The following ANO1 variants were observed in gnomAD, a reference collection of about 807,000 sequenced individuals.
ANO1 encodes anoctamin 1.
In ANO1, 59 loss-of-function variants were observed where a neutral mutation model predicts 124.0. That is an observed-to-expected ratio of 0.48 (90% CI 0.39 to 0.59). The LOEUF (loss-of-function observed/expected upper bound fraction) is 0.59, where lower values mean the gene tolerates loss of function less well. Among genes scored for constraint, ANO1 ranks in the 20% least tolerant of loss-of-function variants. The probability of loss-of-function intolerance (pLI) is 0.00; values close to 1 mark genes in which losing one functional copy is unlikely to be tolerated. For synonymous variants in ANO1, 529 were observed against 532.0 expected (o/e 0.99, Z 0.08); for missense variants, 1,059 against 1,328.0 (o/e 0.80, Z 3.15).
chr11:70,136,724 G>T (rs2046969312), intron 11 of ANO1, among the ~76,000 whole-genome samples: 1 of 147,958 alleles, frequency 6.8e-6, no homozygotes, highest in Admixed American at 7.1e-5. Flanking sequence ...CGAGGGTGTG[G>T]GCAGAGCAGT....
At position 70,007,559 on chromosome 11, in the gene ANO1, C is replaced by T. The variant is rs185685070; in HGVS notation, c.58+21393C>T. On this transcript the variant is annotated intron_variant, in intron 1 of 27. Transcript: ENST00000531349. ...CCTCCCAAAGTGCTGGGATTACAGG[C>T]GTGAGCCACCGCGCCCGGCCACCTC... Among the ~76,000 whole-genome samples the T allele has an allele frequency of 1.1e-3, 170 of 152,324 alleles. 2 individuals are homozygous for T. The highest frequency in any genetic ancestry group is 3.4e-3 in the African/African-American group (142 of 41,580).
intron 11 of ANO1, among the ~76,000 whole-genome samples, chr11:70,133,744 C>T (rs1445391797): frequency 6.6e-6 from 1 of 152,236 alleles, no homozygotes; most frequent in African/African-American, 2.4e-5. Context: ...TCCTGCTTGG[C>T]GCAGATATCC....
chr11:70,032,572 C>G (rs1857021777), intron 1 of ANO1, among the ~76,000 whole-genome samples: 1 of 151,734 alleles, frequency 6.6e-6, no homozygotes, highest in African/African-American at 2.4e-5. Flanking sequence ...CCGCAGAACC[C>G]ACTGTGAAGG....
upstream of ANO1, among the ~76,000 whole-genome samples, chr11:69,984,282 G>A (rs1855984826): frequency 6.6e-6 from 1 of 151,738 alleles, no homozygotes; most frequent in African/African-American, 2.4e-5. Flanking sequence ...TGGGGCACAC[G>A]TCCCGGGGCT....
rs530009770 is a variant in ANO1 at position 70,149,583 on chromosome 11, G to A, written c.1259-127G>A. On this transcript the variant is annotated intron_variant, in intron 11 of 25. Transcript: ENST00000355303. Reference sequence around the variant, plus strand: ...GGAGAATCGCTTGAACCCAGGAGGCGAGATTGCAGTGGGTGGAGATTGCGC... The same window carrying A: ...GGAGAATCGCTTGAACCCAGGAGGCAAGATTGCAGTGGGTGGAGATTGCGC... 9.8e-5 allele frequency: 93 copies of A among 953,516 alleles called. 1 individual carries two copies. The South Asian group carries it at 1.3e-3, about 13-fold the overall frequency. 59.1% of individuals were successfully genotyped at this position (953,516 alleles called of 1,614,324 possible).
chr11:69,979,180 A>C, the ANO1 span, among the ~76,000 whole-genome samples: 1 of 152,226 alleles, frequency 6.6e-6, no homozygotes, highest in Non-Finnish European at 1.5e-5. Context: ...GTCCGGAGAC[A>C]GATTTTGAAC....
chr11:70,163,196 C>T (rs2048122855), intron 18 of ANO1, 87 bp from the exon 19 acceptor site: 6 of 1,424,964 alleles, frequency 4.2e-6, no homozygotes, highest in Non-Finnish European at 5.8e-6. Flanking sequence ...GCAGGACTCA[C>T]ACGCTGCACA....
the ANO1 span, among the ~76,000 whole-genome samples, chr11:69,967,423 C>A: frequency 6.6e-6 from 1 of 152,224 alleles, no homozygotes; most frequent in Non-Finnish European, 1.5e-5. Context: ...GAGGTTGGTC[C>A]GATGCTGGTG....
At chr11:70,166,310 T>G (rs944601475) in intron 20 of ANO1, among the ~76,000 whole-genome samples, 1 of 152,016 alleles carries the variant, frequency 6.6e-6, no homozygotes, top group Non-Finnish European at 1.5e-5. Flanking sequence ...AGACCGAGAC[T>G]CCGTCTCAAA....
chr11:70,063,702 CT>C (rs2135119670), intron 1 of ANO1: 1 of 152,312 alleles, frequency 6.6e-6, no homozygotes, highest in South Asian at 2.1e-4. Flanking sequence ...GTTTCCCTCT[CT>C]TTTGATCATT....
In ANO1 at chr11:70,053,223, G is replaced by C. The variant is rs116213824; in HGVS notation, c.59-25319G>C. On this transcript the variant is annotated intron_variant, in intron 1 of 27. Coordinates refer to the ANO1 transcript ENST00000531349. The stretch of plus-strand genomic sequence containing the variant: ...CTCCTTTCAAAATCATGCTTTTGGG[G>C]ATAAAGTCAGTTTTATTTTTTCCTT... 4.9e-3 allele frequency among the ~76,000 whole-genome samples: 751 copies of C among 152,136 alleles called. 4 individuals are homozygous for C. The highest frequency in any genetic ancestry group is 0.017 in the African/African-American group (710 of 41,496).
intron 8 of ANO1, among the ~76,000 whole-genome samples, chr11:70,118,608 G>T (rs144555100): frequency 2.7e-4 from 38 of 139,070 alleles, no homozygotes; most frequent in Non-Finnish European, 4.1e-4. Context: ...ATGGATGGAT[G>T]GATGGATAGA....
chr11:70,160,686 C>T (rs765052769), intron 16 of ANO1, among the ~76,000 whole-genome samples: 10 of 152,246 alleles, frequency 6.6e-5, no homozygotes, highest in Non-Finnish European at 1.5e-4. Flanking sequence ...CCCTGCACCA[C>T]CTGAGGATGT....
At chr11:70,036,080 T>C (rs1246005379) in intron 1 of ANO1, among the ~76,000 whole-genome samples, 1 of 152,156 alleles carries the variant, frequency 6.6e-6, no homozygotes, top group Non-Finnish European at 1.5e-5. Context: ...CAAACCACCA[T>C]CAACTGGGGG....
chr11:70,069,643 A>G (rs1467407775), intron 1 of ANO1, among the ~76,000 whole-genome samples: 1 of 152,178 alleles, frequency 6.6e-6, no homozygotes, highest in East Asian at 1.9e-4. Flanking sequence ...TTTCAGATGT[A>G]ATCATTCCTG....
At chr11:69,994,534 TA>T (rs1856224356) in intron 1 of ANO1, among the ~76,000 whole-genome samples, 1 of 152,194 alleles carries the variant, frequency 6.6e-6, no homozygotes, top group Non-Finnish European at 1.5e-5. Context: ...ATAATCTCTA[TA>T]GACATCATCT....
chr11:69,981,652 AG>A, upstream of ANO1, among the ~76,000 whole-genome samples: 1 of 152,306 alleles, frequency 6.6e-6, no homozygotes. Context: ...CTGGGCTGAC[AG>A]CAGCTGCCTC....
intron 19 of ANO1, among the ~76,000 whole-genome samples, chr11:70,164,984 T>C (rs573848654): frequency 2.2e-4 from 33 of 152,284 alleles, no homozygotes; most frequent in Non-Finnish European, 3.2e-4. Flanking sequence ...CGCAACTCGA[T>C]CCCACAGACT....
chr11:70,048,737 T>G (rs1260815115), intron 1 of ANO1, among the ~76,000 whole-genome samples: 4 of 140,252 alleles, frequency 2.9e-5, no homozygotes, highest in African/African-American at 7.8e-5. Context: ...TGGTTACTGA[T>G]GCACAGTTAC....
Sources: allele counts gnomAD v4.1 joint callset (sites outside exome capture counted in the v4.1 genomes callset), GRCh38; gene constraint gnomAD v4.1.1; transcripts MANE v1.5; gene names NCBI Gene and HGNC (gene_info 2026-07-23, HGNC 2026-07-21).